Variants in MINDY4 observed in about 807,000 individuals in gnomAD.
MINDY4 encodes the protein MINDY lysine 48 deubiquitinase 4, also known as probable ubiquitin carboxyl-terminal hydrolase MINDY-4.
Under a neutral mutation model 87.0 loss-of-function variants are expected in MINDY4, and 68 were observed. That is an observed-to-expected ratio of 0.78 (90% CI 0.64 to 0.96). MINDY4 has a LOEUF of 0.96. Ranked by LOEUF, MINDY4 falls within the 40% of genes least tolerant of loss-of-function variation. The pLI, the probability that MINDY4 is intolerant of heterozygous loss-of-function variation, is 0.00. For synonymous variants in MINDY4, 379 were observed against 363.2 expected (o/e 1.04, Z -0.50); for missense variants, 919 against 928.2 (o/e 0.99, Z 0.13).
chr7:30,862,604 G>A lies in MINDY4; in HGVS notation c.1745+3280G>A, dbSNP rs373398914. Among the ~76,000 whole-genome samples, 14 of 152,350 alleles carry A rather than the reference G, an allele frequency of 9.2e-5. 1 individual carries two copies. Among genetic ancestry groups the A allele is most frequent in the African/African-American group, 3.4e-4 (14 of 41,588 alleles). On this transcript the variant is annotated intron_variant, in intron 13 of 17. Transcript: ENST00000265299. ...CTGCCTGCTGCCTCCGGGGCTAGCC[G>A]CTGGCAAAGGCCTTTCTCTACAGAC...
intron 13 of MINDY4, among the ~76,000 whole-genome samples, chr7:30,865,840 C>T (rs751436398): frequency 9.2e-5 from 14 of 152,222 alleles, no homozygotes; most frequent in Non-Finnish European, 2.1e-4. Context: ...CAATCGAAGA[C>T]CCTGTGCCTG....
At chr7:30,861,202 C>T (rs966528618) in intron 13 of MINDY4, among the ~76,000 whole-genome samples, 10 of 152,218 alleles carry the variant, frequency 6.6e-5, no homozygotes, top group African/African-American at 2.4e-4. Flanking sequence ...GCCAGGCAGG[C>T]AGGCATGGAT....
chr7:30,794,453 G>A (rs1468625323), intron 5 of MINDY4, among the ~76,000 whole-genome samples: 1 of 152,064 alleles, frequency 6.6e-6, no homozygotes, highest in African/African-American at 2.4e-5. Flanking sequence ...CCCTTTTTGG[G>A]CCTCCAAACA....
At chr7:30,870,228 G>A (rs1790059986) in intron 13 of MINDY4, among the ~76,000 whole-genome samples, 1 of 152,200 alleles carries the variant, frequency 6.6e-6, no homozygotes, top group Non-Finnish European at 1.5e-5. Context: ...GGGTGAACAC[G>A]AGGTAATGAT....
intron 3 of MINDY4, among the ~76,000 whole-genome samples, chr7:30,785,017 G>A (rs1208040132): frequency 2.0e-5 from 3 of 151,790 alleles, no homozygotes; most frequent in African/African-American, 4.8e-5. Context: ...ACTTTGTCTC[G>A]TGGGCTCTCT....
At chr7:30,816,645 G>A (rs1022969681) in intron 5 of MINDY4, among the ~76,000 whole-genome samples, 1 of 150,060 alleles carries the variant, frequency 6.7e-6, no homozygotes, top group Non-Finnish European at 1.5e-5. Flanking sequence ...CTCACTGGGC[G>A]ATCCCTATCT....
intron 3 of MINDY4, among the ~76,000 whole-genome samples, chr7:30,782,586 C>A (rs950191375): frequency 6.6e-6 from 1 of 151,976 alleles, no homozygotes; most frequent in African/African-American, 2.4e-5. Flanking sequence ...ACATATAGTC[C>A]CAGCTACTTA....
At chr7:30,865,192 C>G (rs760833177) in intron 13 of MINDY4, among the ~76,000 whole-genome samples, 47 of 152,332 alleles carry the variant, frequency 3.1e-4, no homozygotes, top group Admixed American at 5.9e-4. Flanking sequence ...CCCTCTCTCA[C>G]CTGAATCTTC....
rs369701153 is a variant in MINDY4 at position 30,791,389 on chromosome 7, A to C, written c.888A>C (p.Lys296Asn). The stretch of plus-strand genomic sequence containing the variant: ...GCAGCCCTCCCCATCTGCCCAGCAA[A>C]CGGCTGCCCCCATGGGACAGGGCCA... ...TASSPPHLPS[K>N]RLPPWDRARP... Residue 296 changes from lysine to asparagine, a missense_variant, in exon 5 of 18, where the codon AAA (lysine) becomes AAC (asparagine). Coordinates refer to ENST00000265299, the MANE Select transcript of MINDY4 (RefSeq NM_032222.3). 5.6e-6 allele frequency: 9 copies of C among 1,614,026 alleles called. No homozygotes were observed. The East Asian group carries it at 1.1e-4, about 20-fold the overall frequency.
chr7:30,833,653 A>C (rs527934209), intron 6 of MINDY4, among the ~76,000 whole-genome samples: 1 of 152,348 alleles, frequency 6.6e-6, no homozygotes, highest in Admixed American at 6.5e-5. Context: ...GCATTAACCT[A>C]AAAGTCCACA....
chr7:30,852,343 A>G, intron 11 of MINDY4, 64 bp downstream of exon 11: 2 of 1,611,734 alleles, frequency 1.2e-6, no homozygotes, highest in Non-Finnish European at 1.7e-6. Context: ...CTCCTTTCAT[A>G]TAAGTAAATC....
chr7:30,790,125 A>G (rs1480584907), intron 4 of MINDY4, among the ~76,000 whole-genome samples: 1 of 152,208 alleles, frequency 6.6e-6, no homozygotes, highest in African/African-American at 2.4e-5. Context: ...AGTGCCTTGC[A>G]CAGGTCTCAT....
At chr7:30,802,163 A>G (rs773259783) in intron 5 of MINDY4, among the ~76,000 whole-genome samples, 9 of 151,874 alleles carry the variant, frequency 5.9e-5, no homozygotes, top group South Asian at 2.1e-4. Flanking sequence ...TCTGTTAGCT[A>G]TGTTCCAGCA....
At chr7:30,861,258 C>T (rs568415998) in intron 13 of MINDY4, among the ~76,000 whole-genome samples, 11 of 152,344 alleles carry the variant, frequency 7.2e-5, no homozygotes, top group South Asian at 6.2e-4. Context: ...TCTCCTAAGA[C>T]GACAGTGTGT....
At chr7:30,823,342 T>C (rs1788398166) in intron 5 of MINDY4, among the ~76,000 whole-genome samples, 1 of 152,224 alleles carries the variant, frequency 6.6e-6, no homozygotes, top group Non-Finnish European at 1.5e-5. Context: ...AATGATTACA[T>C]TGGAGTGTGT....
chr7:30,856,957 C>G (rs916799555), intron 12 of MINDY4, among the ~76,000 whole-genome samples: 4 of 152,158 alleles, frequency 2.6e-5, no homozygotes, highest in Non-Finnish European at 5.9e-5. Context: ...GGAAATAGGC[C>G]AGGTGGGTCT....
intron 6 of MINDY4, among the ~76,000 whole-genome samples, chr7:30,833,859 C>T (rs1006461594): frequency 6.6e-6 from 1 of 152,256 alleles, no homozygotes; most frequent in African/African-American, 2.4e-5. Context: ...GCAGTCAAAT[C>T]TTAAAGCTCC....
chr7:30,865,907 G>A (rs534540866), intron 13 of MINDY4, among the ~76,000 whole-genome samples: 1 of 152,336 alleles, frequency 6.6e-6, no homozygotes, highest in South Asian at 2.1e-4. Context: ...TGTGTCTGCT[G>A]ACTTAGAAAG....
At chr7:30,878,833 C>T (rs1790369017) in intron 15 of MINDY4, among the ~76,000 whole-genome samples, 1 of 152,220 alleles carries the variant, frequency 6.6e-6, no homozygotes, top group Non-Finnish European at 1.5e-5. Context: ...CAACCAGGAG[C>T]ACGTCCTCTC....
Sources: allele counts gnomAD v4.1 joint callset (sites outside exome capture counted in the v4.1 genomes callset), GRCh38; gene constraint gnomAD v4.1.1; transcripts MANE v1.5; gene names NCBI Gene and HGNC (gene_info 2026-07-23, HGNC 2026-07-21).